ZNF483: variants seen among roughly 807,000 people sequenced by gnomAD.
ZNF483 encodes zinc finger protein HIT-10.
ZNF483 carries 9 observed loss-of-function variants against 28.6 expected under a neutral mutation model. That is an observed-to-expected ratio of 0.32 (90% CI 0.19 to 0.55). The LOEUF (loss-of-function observed/expected upper bound fraction) is 0.55. Ranked by LOEUF, ZNF483 falls within the 20% of genes least tolerant of loss-of-function variation. The pLI is 0.93. For missense variants in ZNF483, 675 were observed against 871.7 expected, an observed-to-expected ratio of 0.77 and a Z score of 2.84; for synonymous variants, 322 against 306.2, an observed-to-expected ratio of 1.05 and a Z score of -0.54.
chr9:111,562,984 G>A, intron 5 of ZNF483: 1 of 1,423,312 alleles, frequency 7.0e-7, no homozygotes, highest in Non-Finnish European at 9.2e-7. Flanking sequence ...CCACTTAAAT[G>A]TATTTTATTA....
At chr9:111,539,368 C>A in intron 5 of ZNF483, 1 of 449,488 alleles carries the variant, frequency 2.2e-6, no homozygotes, top group Non-Finnish European at 4.5e-6. Context: ...GGCTTCTGCT[C>A]CTCATGTGTC....
In ZNF483 at chr9:111,542,931, A is replaced by G; in HGVS notation, c.1996A>G (p.Lys666Glu). Residue 666 changes from lysine (K) to glutamate (E), a missense_variant, in exon 6 of 6, where the codon AAA becomes GAA. Transcript: ENST00000309235. This position sits in a 1 kb window ranked among gnomAD's most constrained non-coding sequence, Gnocchi z 6.2. The part of the protein sequence containing the change: ...IHTGVKPYKC[K>E]ECGKSFSQSS... ...TACTGGTGTAAAACCTTATAAATGT[A>G]AAGAATGTGGGAAGTCCTTCAGTCA... is the stretch of plus-strand genomic sequence containing the variant. 4 of 1,614,096 alleles carry G rather than the reference A, an allele frequency of 2.5e-6. No individual in the cohort carries two copies. Among genetic ancestry groups the G allele is most frequent in the Non-Finnish European group, 3.4e-6 (4 of 1,180,004 alleles).
chr9:111,533,424 G>A (rs923424477), intron 3 of ZNF483, among the ~76,000 whole-genome samples: 1 of 152,340 alleles, frequency 6.6e-6, no homozygotes, highest in Admixed American at 6.5e-5. Context: ...GCTCAGGCCT[G>A]TAATCCCAGT....
intron 5 of ZNF483, among the ~76,000 whole-genome samples, chr9:111,575,762 A>G (rs1249614291): frequency 1.3e-5 from 2 of 152,246 alleles, no homozygotes; most frequent in Non-Finnish European, 2.9e-5. Context: ...TGCATCGTAG[A>G]CCTGAATGTA....
In ZNF483 at chr9:111,525,745, C is replaced by T. The variant is rs151199268; in HGVS notation, c.-129+483C>T. ...CTATGTAAACTCCCTGTAGACGGAG[C>T]CGAGTGTCTTAGTCATCGCGGAGCC... On this transcript the variant is annotated intron_variant, in intron 1 of 5. Transcript: ENST00000309235. 3.7e-4 allele frequency among the ~76,000 whole-genome samples: 57 copies of T among 152,220 alleles called. No individual in the cohort carries two copies. In the East Asian group the frequency reaches 0.011, roughly 29 times the overall value.
intron 5 of ZNF483, chr9:111,569,852 A>G: frequency 1.8e-6 from 1 of 551,158 alleles, no homozygotes; most frequent in Non-Finnish European, 3.2e-6. Flanking sequence ...TTGTTATAAA[A>G]GGGAGAGAAG....
At chr9:111,541,389 TAAACCTCTTAAA>T (rs200376105) in intron 5 of ZNF483, among the ~76,000 whole-genome samples, 2,002 of 152,226 alleles carry the variant, frequency 0.013, 24 homozygotes, top group Middle Eastern at 0.058. Flanking sequence ...GTGCCCATCC[TAAACCTCTTAAA>T]AAAATTCAAA....
Position 111,542,612 on chromosome 9 carries a change from C to A in ZNF483, c.1677C>A (p.Ser559=), listed in dbSNP as rs1334626258. ...ATACATGTAGCAATTGTGGAAAATC[C>A]TTCAGTCATAGCTCATCCCTTTCCA... The part of the protein sequence containing the change: ...KPYTCSNCGK[S]FSHSSSLSKH... Residue 559 remains serine (S), a synonymous_variant, in exon 6 of 6, where the codon TCC becomes TCA. Coordinates refer to ENST00000309235, the MANE Select transcript of ZNF483 (RefSeq NM_133464.5). The surrounding 1 kb of genome is among the most constrained non-coding windows in gnomAD (Gnocchi z 6.2). The A allele has an allele frequency of 1.2e-6, 2 of 1,613,760 alleles. No individual in the cohort carries two copies. Among genetic ancestry groups the A allele is most frequent in the African/African-American group, 1.3e-5 (1 of 74,870 alleles).
At chr9:111,540,150 T>G (rs781476488) in intron 5 of ZNF483, among the ~76,000 whole-genome samples, 7 of 151,996 alleles carry the variant, frequency 4.6e-5, no homozygotes, top group Non-Finnish European at 1.0e-4. Flanking sequence ...TTTAAAAAAT[T>G]TTTTAAAAAG....
rs555127712 is a variant in ZNF483, at chr9:111,552,494, C to G, written c.*9324C>G. Among the ~76,000 whole-genome samples, 63 of 152,258 alleles carry G rather than the reference C, an allele frequency of 4.1e-4. No homozygotes were observed. Among genetic ancestry groups the G allele is most frequent in the South Asian group, 1.5e-3 (7 of 4,826 alleles). On this transcript the variant is annotated 3_prime_UTR_variant, in exon 6 of 6. Coordinates refer to ENST00000309235, the MANE Select transcript of ZNF483 (RefSeq NM_133464.5). ...GCTTTAAAATTCCAACATGGATGGT[C>G]TTTTGACTTAACTTAGCTGGAGTTC...
Position 111,533,843 on chromosome 9 carries a change from C to T in ZNF483, c.606C>T (p.Asn202=). 6.3e-7 allele frequency: 1 copy of T among 1,589,840 alleles called. No homozygotes were observed. Among genetic ancestry groups the T allele is most frequent in the Non-Finnish European group, 8.5e-7 (1 of 1,174,244 alleles). The part of the protein sequence containing the change: ...KELYKEVLLE[N]LRNLEFLDFP... ...TATATAAGGAAGTGCTACTGGAAAA[C>T]CTCAGGAACCTAGAATTTCTGGGTA... Residue 202 remains asparagine (N), a synonymous_variant, in exon 4 of 6, where the codon AAC becomes AAT. Coordinates refer to ENST00000309235, the MANE Select transcript of ZNF483 (RefSeq NM_133464.5).
intron 5 of ZNF483, among the ~76,000 whole-genome samples, chr9:111,537,629 T>C (rs1474651323): frequency 1.4e-5 from 2 of 143,258 alleles, no homozygotes; most frequent in Admixed American, 1.4e-4. Flanking sequence ...TATGCAGTTA[T>C]TATTATTATT....
At position 111,553,492 on chromosome 9, in the gene ZNF483, G is replaced by A. The variant is rs1237606474; in HGVS notation, c.*10322G>A. On this transcript the variant is annotated 3_prime_UTR_variant, in exon 6 of 6. Coordinates refer to ENST00000309235, the MANE Select transcript of ZNF483 (RefSeq NM_133464.5). ...TTTGCATAGGTATACTCTATCTTGT[G>A]CTATCTGCATAAAATATCCAAGTAA... Among the ~76,000 whole-genome samples the A allele has an allele frequency of 2.0e-5, 3 of 151,978 alleles. No individual in the cohort carries two copies. The highest frequency in any genetic ancestry group is 1.5e-5 in the Non-Finnish European group (1 of 68,000).
At position 111,542,925 on chromosome 9, in the gene ZNF483, AAATGTAAAG is replaced by A; in HGVS notation, c.1996_2004del (p.Lys666_Cys668del). 1 of 1,614,098 alleles carries A rather than the reference AAATGTAAAG, an allele frequency of 6.2e-7. No homozygotes were observed. Among genetic ancestry groups the A allele is most frequent in the Non-Finnish European group, 8.5e-7 (1 of 1,180,014 alleles). ...AATTCATACTGGTGTAAAACCTTAT[AAATGTAAAG>A]AATGTGGGAAGTCCTTCAGTCAGAG... On this transcript the variant is annotated inframe_deletion, in exon 6 of 6. Coordinates refer to ENST00000309235, the MANE Select transcript of ZNF483 (RefSeq NM_133464.5). This position sits in a 1 kb window ranked among gnomAD's most constrained non-coding sequence, Gnocchi z 6.2.
At chr9:111,540,868 A>G (rs765465005) in intron 5 of ZNF483, among the ~76,000 whole-genome samples, 3 of 152,172 alleles carry the variant, frequency 2.0e-5, no homozygotes, top group Non-Finnish European at 2.9e-5. Context: ...TGGGCAGGCT[A>G]CTTAATACTC....
chr9:111,529,058 C>T (rs553924417), intron 2 of ZNF483, among the ~76,000 whole-genome samples: 2 of 151,888 alleles, frequency 1.3e-5, no homozygotes, highest in East Asian at 1.9e-4. Context: ...GCAGGAGAAT[C>T]GCTTGAACCG....
intron 5 of ZNF483, chr9:111,564,320 T>C: frequency 1.6e-6 from 1 of 613,240 alleles, no homozygotes; most frequent in Non-Finnish European, 2.1e-6. Flanking sequence ...ATTATTATTA[T>C]TCTGAGACAG....
intron 5 of ZNF483, among the ~76,000 whole-genome samples, chr9:111,537,505 G>A (rs547976596): frequency 1.3e-5 from 2 of 152,106 alleles, no homozygotes; most frequent in Non-Finnish European, 2.9e-5. Flanking sequence ...GAGCCACAGC[G>A]CCTGGCCTAC....
At chr9:111,572,143 A>G (rs926806160) in intron 5 of ZNF483, among the ~76,000 whole-genome samples, 2 of 152,212 alleles carry the variant, frequency 1.3e-5, no homozygotes, top group African/African-American at 4.8e-5. Flanking sequence ...CCCACTGATT[A>G]CTTTGAGGAA....
Sources: allele counts gnomAD v4.1 joint callset (sites outside exome capture counted in the v4.1 genomes callset), GRCh38; gene constraint gnomAD v4.1.1; non-coding constraint Gnocchi (gnomAD v3.1); transcripts MANE v1.5; gene names NCBI Gene and HGNC (gene_info 2026-07-23, HGNC 2026-07-21).